Variants in ZNF704 observed in about 807,000 individuals in gnomAD.
ZNF704 encodes glucocorticoid induced gene 1.
ZNF704 carries 10 observed loss-of-function variants against 44.7 expected under a neutral mutation model. That is an observed-to-expected ratio of 0.22 (90% CI 0.14 to 0.38). The LOEUF (loss-of-function observed/expected upper bound fraction) is 0.38. Ranked by LOEUF, ZNF704 falls within the 10% of genes least tolerant of loss-of-function variation. ZNF704 has a pLI of 1.00. For synonymous variants in ZNF704, 211 were observed against 207.6 expected, an observed-to-expected ratio of 1.02 and a Z score of -0.14; for missense variants, 390 against 545.5, an observed-to-expected ratio of 0.71 and a Z score of 2.84.
chr8:80,664,494 C>T (rs934894907), intron 6 of ZNF704, among the ~76,000 whole-genome samples: 3 of 152,114 alleles, frequency 2.0e-5, no homozygotes, highest in Admixed American at 6.5e-5. Flanking sequence ...TGGTCTCGAA[C>T]TCCCGACCTC....
At chr8:80,641,537 G>C in intron 8 of ZNF704, 60 bp from the exon 9 acceptor site, 1 of 1,042,436 alleles carries the variant, frequency 9.6e-7, no homozygotes, top group South Asian at 1.8e-5. Context: ...ATTCTATGGA[G>C]AGCTCAAAAA....
chr8:80,687,295 T>C lies in ZNF704; in HGVS notation c.489A>G (p.Pro163=), dbSNP rs1408714458. The C allele has an allele frequency of 6.2e-7, 1 of 1,613,116 alleles. No individual in the cohort carries two copies. The highest frequency in any genetic ancestry group is 1.7e-5 in the Admixed American group (1 of 60,024). ...CCTCCGCCTCGTCGATGCCGTCGTC[T>C]GGCTGCGCGGGGCTGCGGAAGGGCT... The part of the protein sequence containing the change: ...SFKPFRSPAQ[P]DDGIDEAEAS... Residue 163 remains proline, a synonymous_variant, in exon 4 of 9, where the codon CCA becomes CCG. Transcript: ENST00000327835.
chr8:80,852,309 G>C (rs1472404627), intron 1 of ZNF704, among the ~76,000 whole-genome samples: 1 of 152,116 alleles, frequency 6.6e-6, no homozygotes, highest in Non-Finnish European at 1.5e-5. Flanking sequence ...TCATACTTAT[G>C]ATAAAAATAA....
chr8:80,782,237 A>G (rs970448502), intron 2 of ZNF704, among the ~76,000 whole-genome samples: 3 of 152,232 alleles, frequency 2.0e-5, no homozygotes, highest in Admixed American at 6.5e-5. Flanking sequence ...CCAAGATTCA[A>G]TAAGATCTCA....
chr8:80,688,162 T>TG (rs1000828803), intron 3 of ZNF704, among the ~76,000 whole-genome samples: 1 of 151,790 alleles, frequency 6.6e-6, no homozygotes, highest in Admixed American at 6.6e-5. Flanking sequence ...GAGCTATGAC[T>TG]GGGTCACTGC....
intron 2 of ZNF704, among the ~76,000 whole-genome samples, chr8:80,710,990 A>G (rs940380721): frequency 6.6e-6 from 1 of 152,182 alleles, no homozygotes; most frequent in African/African-American, 2.4e-5. Flanking sequence ...AGTTTCGCAT[A>G]GGGCTAATTC....
intron 2 of ZNF704, among the ~76,000 whole-genome samples, chr8:80,793,840 T>C (rs559203937): frequency 1.3e-5 from 2 of 152,178 alleles, no homozygotes; most frequent in East Asian, 3.8e-4. Flanking sequence ...GAAGTTATTT[T>C]TTATTTGGCA....
chr8:80,746,555 C>A (rs1806847803), intron 2 of ZNF704, among the ~76,000 whole-genome samples: 2 of 152,290 alleles, frequency 1.3e-5, no homozygotes, highest in Admixed American at 1.3e-4. Flanking sequence ...TCATTTTTGC[C>A]TCCAACAGTT....
At chr8:80,798,198 T>G (rs959318192) in intron 2 of ZNF704, among the ~76,000 whole-genome samples, 4 of 152,158 alleles carry the variant, frequency 2.6e-5, no homozygotes, top group Admixed American at 2.6e-4. Context: ...TACACATGTT[T>G]CCAATACCTT....
rs1311446107 is a variant in ZNF704 at position 80,874,369 on chromosome 8, A to C, written c.-22+202T>G. On this transcript the variant is annotated intron_variant, in intron 1 of 8. Transcript: ENST00000327835. The surrounding 1 kb of genome is among the most constrained non-coding windows in gnomAD (Gnocchi z 4.4). ...GGAGCCGCGGGCCGCGCTGCGCTCCATGCGGCCGGCGGCCGAGCCCGCGCG... is the reference window on the plus strand; with the variant it reads ...GGAGCCGCGGGCCGCGCTGCGCTCCCTGCGGCCGGCGGCCGAGCCCGCGCG... 2.1e-5 allele frequency among the ~76,000 whole-genome samples: 3 copies of C among 145,620 alleles called. No homozygotes were observed. Among genetic ancestry groups the C allele is most frequent in the Non-Finnish European group, 3.0e-5 (2 of 65,670 alleles).
At chr8:80,844,048 A>C (rs1194221008) in intron 1 of ZNF704, among the ~76,000 whole-genome samples, 1 of 151,672 alleles carries the variant, frequency 6.6e-6, no homozygotes. Flanking sequence ...TGGAGCTTAC[A>C]ATGCAGTGGA....
chr8:80,802,294 CA>C (rs1160649643), intron 2 of ZNF704, among the ~76,000 whole-genome samples: 2 of 151,694 alleles, frequency 1.3e-5, no homozygotes, highest in Non-Finnish European at 2.9e-5. Context: ...GAAACTATTC[CA>C]AAAAACTGAA....
At chr8:80,846,616 T>A (rs1322512539) in intron 1 of ZNF704, among the ~76,000 whole-genome samples, 1 of 152,222 alleles carries the variant, frequency 6.6e-6, no homozygotes, top group Non-Finnish European at 1.5e-5. Flanking sequence ...CTAGGCAGAC[T>A]GTTGAAGTGG....
intron 5 of ZNF704, among the ~76,000 whole-genome samples, chr8:80,665,965 A>ATTT (rs1319098229): frequency 8.6e-5 from 13 of 151,006 alleles, no homozygotes; most frequent in African/African-American, 2.9e-4. Context: ...TTTTTTATTT[A>ATTT]TTTATTTTTT....
At chr8:80,753,967 G>A (rs1046200986) in intron 2 of ZNF704, among the ~76,000 whole-genome samples, 1 of 152,090 alleles carries the variant, frequency 6.6e-6, no homozygotes, top group Non-Finnish European at 1.5e-5. Context: ...ACTTCCAGGC[G>A]AAGTGATGCA....
intron 2 of ZNF704, among the ~76,000 whole-genome samples, chr8:80,794,000 ACAT>A (rs1390625866): frequency 6.6e-6 from 1 of 152,202 alleles, no homozygotes; most frequent in Non-Finnish European, 1.5e-5. Flanking sequence ...CATGGCAAAG[ACAT>A]CATAAGAAGT....
At chr8:80,671,717 G>C (rs1818284264) in intron 4 of ZNF704, among the ~76,000 whole-genome samples, 1 of 152,062 alleles carries the variant, frequency 6.6e-6, no homozygotes, top group South Asian at 2.1e-4. Context: ...TTTCCTGCTG[G>C]GTACACAGCT....
intron 2 of ZNF704, chr8:80,812,166 CTCTT>C (rs1808097793): frequency 6.5e-6 from 1 of 152,920 alleles, no homozygotes; most frequent in Non-Finnish European, 1.5e-5. Context: ...CCTCCTCCTC[CTCTT>C]TATCTTCCTC....
chr8:80,865,601 A>T (rs1392302326), intron 1 of ZNF704, among the ~76,000 whole-genome samples: 1 of 152,246 alleles, frequency 6.6e-6, no homozygotes, highest in Non-Finnish European at 1.5e-5. Flanking sequence ...ATGTTGGAGC[A>T]CTTTTGACAT....
Sources: gnomAD v4.1 joint callset for allele counts (sites outside exome capture counted in the v4.1 genomes callset) on GRCh38, gnomAD v4.1.1 for gene constraint, Gnocchi (gnomAD v3.1) non-coding constraint, MANE v1.5 for transcripts, NCBI Gene and HGNC (gene_info 2026-07-23, HGNC 2026-07-21) for gene names.